Variants in LPAR5 observed in about 807,000 individuals in gnomAD.
LPAR5 encodes G protein-coupled receptor 92.
For missense variants in LPAR5, 544 were observed against 521.8 expected (o/e 1.04, Z -0.41); for synonymous variants, 271 against 261.6 (o/e 1.04, Z -0.35).
chr12:6,635,097 A>T (rs775013562), intron 1 of LPAR5, among the ~76,000 whole-genome samples: 1 of 143,834 alleles, frequency 7.0e-6, no homozygotes, highest in Admixed American at 6.9e-5. Flanking sequence ...AAAAAAAAAA[A>T]AAAGAAAGGA....
At position 6,621,381 on chromosome 12, in the gene LPAR5, A is replaced by G. The variant is rs780207538; in HGVS notation, c.-133T>C. 5.2e-5 allele frequency: 47 copies of G among 896,900 alleles called. No homozygotes were observed. The highest frequency in any genetic ancestry group is 7.0e-5 in the Non-Finnish European group (45 of 645,996). The allele number at this position is 896,900 out of a possible 1,614,324, so 55.6% of individuals were successfully genotyped here. ...GTCCCAAAACAAGCAGAGGGAGGTC[A>G]TGGGAATGTGGGCTATGGCTGCAGG... On this transcript the variant is annotated 5_prime_UTR_variant, in exon 2 of 2. An upstream start codon of the reference 5' UTR is lost. Transcript: ENST00000329858.
chr12:6,621,354 T>C lies in LPAR5; in HGVS notation c.-106A>G. ...CTGGGGCCTAGAGGCTGTACAGACATGGTCCCAAAACAAGCAGAGGGAGGT... is the reference window on the plus strand; with the variant it reads ...CTGGGGCCTAGAGGCTGTACAGACACGGTCCCAAAACAAGCAGAGGGAGGT... On this transcript the variant is annotated 5_prime_UTR_variant, in exon 2 of 2. The change abolishes an upstream ATG in the 5' untranslated region. Transcript: ENST00000329858. 8.7e-7 allele frequency: 1 copy of C among 1,155,188 alleles called. No homozygotes were observed. Among genetic ancestry groups the C allele is most frequent in the Non-Finnish European group, 1.1e-6 (1 of 875,188 alleles). 71.6% of individuals were successfully genotyped at this position (1,155,188 alleles called of 1,614,324 possible).
At chr12:6,632,674 G>A in intron 1 of LPAR5, among the ~76,000 whole-genome samples, 1 of 152,178 alleles carries the variant, frequency 6.6e-6, no homozygotes, top group East Asian at 1.9e-4. Context: ...GAAAAGCTCT[G>A]TCCCAGAGCT....
At position 6,619,973 on chromosome 12, in the gene LPAR5, C is replaced by A. The variant is rs1171246642; in HGVS notation, c.*157G>T. On this transcript the variant is annotated 3_prime_UTR_variant, in exon 2 of 2. Transcript: ENST00000329858. The stretch of plus-strand genomic sequence containing the variant: ...TCCAGCAGCACTGCCTTCCCTGGGC[C>A]CTGGCTTCCACACTTTGTACTCTTC... 1 of 1,020,924 alleles carries A rather than the reference C, an allele frequency of 9.8e-7. No homozygotes were observed. Among genetic ancestry groups the A allele is most frequent in the Non-Finnish European group, 1.5e-6 (1 of 665,704 alleles). 63.2% of individuals were successfully genotyped at this position (1,020,924 alleles called of 1,614,324 possible).
chr12:6,628,486 T>C (rs1948959350), intron 1 of LPAR5, among the ~76,000 whole-genome samples: 1 of 151,642 alleles, frequency 6.6e-6, no homozygotes, highest in Non-Finnish European at 1.5e-5. Context: ...AGATGGAGTT[T>C]CGCATGCTCT....
At chr12:6,627,287 G>A (rs1466469640) in intron 1 of LPAR5, among the ~76,000 whole-genome samples, 1 of 151,602 alleles carries the variant, frequency 6.6e-6, no homozygotes, top group Non-Finnish European at 1.5e-5. Context: ...GTGAGACTCC[G>A]TCTAAATAAA....
intron 1 of LPAR5, among the ~76,000 whole-genome samples, chr12:6,629,312 G>A (rs1269954978): frequency 6.7e-6 from 1 of 149,304 alleles, no homozygotes; most frequent in African/African-American, 2.5e-5. Flanking sequence ...GGAGACGGAG[G>A]TTGCAGTGAG....
chr12:6,621,396 A>G lies in LPAR5; in HGVS notation c.-148T>C. The G allele has an allele frequency of 1.3e-6, 1 of 746,648 alleles. No individual in the cohort carries two copies. The highest frequency in any genetic ancestry group is 1.9e-6 in the Non-Finnish European group (1 of 512,936). The allele number at this position is 746,648 out of a possible 1,614,324, so 46.3% of individuals were successfully genotyped here. On this transcript the variant is annotated 5_prime_UTR_variant, in exon 2 of 2. Transcript: ENST00000329858. ...GAGGGAGGTCATGGGAATGTGGGCTATGGCTGCAGGGACAGATGGCTGCCA... is the reference window on the plus strand; with the variant it reads ...GAGGGAGGTCATGGGAATGTGGGCTGTGGCTGCAGGGACAGATGGCTGCCA...
rs764554922 is a variant in LPAR5 at position 6,620,106 on chromosome 12, C to A, written c.*24G>T. On this transcript the variant is annotated 3_prime_UTR_variant, in exon 2 of 2. Transcript: ENST00000329858. The surrounding 1 kb of genome is among the most constrained non-coding windows in gnomAD (Gnocchi z 6.8). Reference sequence around the variant, plus strand: ...AACGAGAGGCGTTGGGAGTCGGGCACGGACAGCGCAATGGCATGTGTGTTC... The same window carrying A: ...AACGAGAGGCGTTGGGAGTCGGGCAAGGACAGCGCAATGGCATGTGTGTTC... 2 of 1,613,298 alleles carry A rather than the reference C, an allele frequency of 1.2e-6. No homozygotes were observed. The highest frequency in any genetic ancestry group is 8.5e-7 in the Non-Finnish European group (1 of 1,179,752).
At chr12:6,633,903 C>T (rs549790885) in intron 1 of LPAR5, among the ~76,000 whole-genome samples, 2 of 152,162 alleles carry the variant, frequency 1.3e-5, no homozygotes, top group Non-Finnish European at 2.9e-5. Flanking sequence ...GTTTCTGTCT[C>T]ACCTCAATCC....
intron 1 of LPAR5, 127 bp from the exon 2 acceptor site, chr12:6,621,591 C>T (rs550916051): frequency 4.4e-6 from 1 of 226,798 alleles, no homozygotes; most frequent in South Asian, 1.6e-4. Context: ...GAATAGGTTC[C>T]TACGGCAGGA....
At chr12:6,635,233 G>A (rs1949002907) in intron 1 of LPAR5, among the ~76,000 whole-genome samples, 1 of 152,136 alleles carries the variant, frequency 6.6e-6, no homozygotes, top group African/African-American at 2.4e-5. Flanking sequence ...TGATGTGAAG[G>A]TATCATAAAG....
intron 1 of LPAR5, among the ~76,000 whole-genome samples, chr12:6,628,977 G>A (rs1284586708): frequency 6.6e-6 from 1 of 151,514 alleles, no homozygotes; most frequent in East Asian, 2.0e-4. Context: ...CACTATGTTG[G>A]CCAGGCTGGT....
intron 1 of LPAR5, among the ~76,000 whole-genome samples, chr12:6,634,316 T>A (rs1187587364): frequency 6.7e-6 from 1 of 150,202 alleles, no homozygotes; most frequent in Admixed American, 6.7e-5. Flanking sequence ...TACAAAAAAA[T>A]TTCAAAAAAC....
In LPAR5 at chr12:6,620,350, C is replaced by G. The variant is rs770229587; in HGVS notation, c.899G>C (p.Ser300Thr). Residue 300 changes from serine to threonine, a missense_variant, in exon 2 of 2, where the codon AGC becomes ACC. Coordinates refer to ENST00000329858, the MANE Select transcript of LPAR5 (RefSeq NM_020400.6). The surrounding 1 kb of genome is among the most constrained non-coding windows in gnomAD (Gnocchi z 6.8). The stretch of plus-strand genomic sequence containing the variant: ...CAGGGTGTTGCGGAAGCCCTCGGCG[C>G]TAAAGTAGTACACCAGCGGGTCCAG... Reference protein sequence around the residue: ...CVLDPLVYYFSAEGFRNTLRG... With the variant: ...CVLDPLVYYFTAEGFRNTLRG... 9.3e-6 allele frequency: 15 copies of G among 1,611,198 alleles called. No homozygotes were observed. The highest frequency in any genetic ancestry group is 1.3e-5 in the Non-Finnish European group (15 of 1,179,096).
In LPAR5 at chr12:6,619,862, T is replaced by C. The variant is rs868438466; in HGVS notation, c.*268A>G. On this transcript the variant is annotated 3_prime_UTR_variant, in exon 2 of 2. Coordinates refer to ENST00000329858, the MANE Select transcript of LPAR5 (RefSeq NM_020400.6). ...CACCCAAAGGCATTTCGTCCTCTTC[T>C]GCCCTCTGCACGGGTGGGCTCTCTG... The C allele has an allele frequency of 1.5e-6, 1 of 654,786 alleles. No individual in the cohort carries two copies. Among genetic ancestry groups the C allele is most frequent in the Non-Finnish European group, 2.8e-6 (1 of 355,366 alleles). The allele number at this position is 654,786 out of a possible 1,614,324, so 40.6% of individuals were successfully genotyped here.
intron 1 of LPAR5, among the ~76,000 whole-genome samples, chr12:6,630,264 T>C (rs1434666060): frequency 6.6e-6 from 1 of 150,470 alleles, no homozygotes. Flanking sequence ...GCTGGGATCA[T>C]AGCTCGCACC....
intron 1 of LPAR5, among the ~76,000 whole-genome samples, chr12:6,629,764 CTG>C (rs1280065113): frequency 6.6e-6 from 1 of 151,986 alleles, no homozygotes; most frequent in Non-Finnish European, 1.5e-5. Flanking sequence ...TGGCTCACAC[CTG>C]TAATCCCAGC....
intron 1 of LPAR5, among the ~76,000 whole-genome samples, chr12:6,630,483 C>T (rs1277886524): frequency 1.2e-5 from 1 of 81,660 alleles, no homozygotes; most frequent in East Asian, 3.2e-4. Context: ...GAGACGGAGT[C>T]TCCCCGTTGC....
Sources: gnomAD v4.1 joint callset for allele counts (sites outside exome capture counted in the v4.1 genomes callset) on GRCh38, gnomAD v4.1.1 for gene constraint, Gnocchi (gnomAD v3.1) non-coding constraint, MANE v1.5 for transcripts, NCBI Gene and HGNC (gene_info 2026-07-23, HGNC 2026-07-21) for gene names.